Variants in SLC4A4 observed in about 807,000 individuals in gnomAD.
SLC4A4 encodes the protein solute carrier family 4 member 4.
SLC4A4 carries 27 observed loss-of-function variants against 111.5 expected under a neutral mutation model. The ratio of observed to expected loss-of-function variants is 0.24; its 90% CI spans 0.18 to 0.33. The LOEUF (loss-of-function observed/expected upper bound fraction) is 0.33. Among genes scored for constraint, SLC4A4 ranks in the 10% least tolerant of loss-of-function variants. The pLI is 1.00. For missense variants in SLC4A4, 909 were observed against 1,315.5 expected (o/e 0.69, Z 4.78); for synonymous variants, 443 against 463.4 (o/e 0.96, Z 0.57).
At chr4:71,223,199 C>G (rs542398600) in intron 1 of SLC4A4, among the ~76,000 whole-genome samples, 64 of 150,578 alleles carry the variant, frequency 4.3e-4, no homozygotes, top group Admixed American at 1.4e-3. Flanking sequence ...TTTCTGAGAC[C>G]AAGCCTCCCT....
chr4:71,502,923 G>GACA (rs1397581489), intron 16 of SLC4A4, among the ~76,000 whole-genome samples: 1 of 152,074 alleles, frequency 6.6e-6, no homozygotes, highest in Non-Finnish European at 1.5e-5. Context: ...GTTGAAAATG[G>GACA]GGTATTGAAA....
intron 6 of SLC4A4, among the ~76,000 whole-genome samples, chr4:71,374,879 C>A (rs1272053815): frequency 6.6e-6 from 1 of 151,926 alleles, no homozygotes; most frequent in Admixed American, 6.6e-5. Flanking sequence ...TATAATCAGA[C>A]TCTCCTGCTC....
chr4:71,435,502 A>G (rs1166562667), intron 7 of SLC4A4, among the ~76,000 whole-genome samples: 1 of 152,234 alleles, frequency 6.6e-6, no homozygotes, highest in Non-Finnish European at 1.5e-5. Flanking sequence ...GGCATAGGCA[A>G]AGACTTCATG....
At chr4:71,475,466 C>A (rs1728278993) in intron 14 of SLC4A4, among the ~76,000 whole-genome samples, 1 of 151,836 alleles carries the variant, frequency 6.6e-6, no homozygotes, top group Non-Finnish European at 1.5e-5. Context: ...ACTTGCATAG[C>A]AAGTGCTGAC....
chr4:71,328,273 T>C (rs1298305420), intron 3 of SLC4A4, among the ~76,000 whole-genome samples: 1 of 152,174 alleles, frequency 6.6e-6, no homozygotes, highest in African/African-American at 2.4e-5. Context: ...GTATGAATAA[T>C]GCTGCAGTAA....
intron 2 of SLC4A4, among the ~76,000 whole-genome samples, chr4:71,107,255 T>C (rs894535300): frequency 3.3e-5 from 5 of 152,208 alleles, no homozygotes; most frequent in African/African-American, 9.6e-5. Context: ...AAGGGACTTA[T>C]GCCATTTTGC....
intron 2 of SLC4A4, among the ~76,000 whole-genome samples, chr4:71,244,038 T>G (rs1435419972): frequency 6.6e-6 from 1 of 152,184 alleles, no homozygotes; most frequent in African/African-American, 2.4e-5. Flanking sequence ...ATAGATGGGT[T>G]AAATCACTAC....
intron 13 of SLC4A4, among the ~76,000 whole-genome samples, chr4:71,466,979 G>GAGA (rs1363275518): frequency 1.4e-5 from 2 of 145,820 alleles, no homozygotes; most frequent in Non-Finnish European, 3.0e-5. Flanking sequence ...GAGAGAGAGA[G>GAGA]GTCTGAGTAT....
chr4:71,178,018 A>G (rs575031323), intron 2 of SLC4A4, among the ~76,000 whole-genome samples: 1 of 152,350 alleles, frequency 6.6e-6, no homozygotes, highest in South Asian at 2.1e-4. Context: ...ACTCAGGATT[A>G]AGAAACTCAC....
intron 3 of SLC4A4, among the ~76,000 whole-genome samples, chr4:71,302,309 A>T (rs1725337462): frequency 6.6e-6 from 1 of 152,212 alleles, no homozygotes; most frequent in African/African-American, 2.4e-5. Context: ...AGCCTGGACA[A>T]GTCCCTTAAT....
chr4:71,269,576 G>A (rs1293103151), intron 3 of SLC4A4, among the ~76,000 whole-genome samples: 7 of 152,096 alleles, frequency 4.6e-5, no homozygotes, highest in African/African-American at 7.2e-5. Context: ...ATTGCATTGC[G>A]TGTCTTTGCC....
At position 71,215,966 on chromosome 4, in the gene SLC4A4, G is replaced by A. The variant is rs892932006; in HGVS notation, c.-1-20610G>A. On this transcript the variant is annotated intron_variant, in intron 1 of 25. Coordinates refer to ENST00000264485, the MANE Select transcript of SLC4A4 (RefSeq NM_001098484.3). ...GTCGCCCAGGCTGGAGTGCAGTGGCGTGATCTTGGCTAATTGCATCTTCCG... is the reference window on the plus strand; with the variant it reads ...GTCGCCCAGGCTGGAGTGCAGTGGCATGATCTTGGCTAATTGCATCTTCCG... 6.0e-5 allele frequency among the ~76,000 whole-genome samples: 9 copies of A among 148,864 alleles called. No individual in the cohort carries two copies. In the East Asian group the frequency reaches 1.6e-3, roughly 26 times the overall value.
intron 1 of SLC4A4, among the ~76,000 whole-genome samples, chr4:71,081,162 C>A (rs1038955176): frequency 6.6e-5 from 10 of 152,118 alleles, no homozygotes; most frequent in Non-Finnish European, 1.5e-4. Context: ...AACATCTCTG[C>A]CTTTCCCACC....
intron 16 of SLC4A4, 99 bp downstream of exon 16, chr4:71,497,791 C>T: frequency 1.0e-6 from 1 of 977,556 alleles, no homozygotes. Flanking sequence ...TTCAATGTGT[C>T]CAATATAATT....
At chr4:71,405,900 G>A (rs901916625) in intron 7 of SLC4A4, among the ~76,000 whole-genome samples, 7 of 152,100 alleles carry the variant, frequency 4.6e-5, no homozygotes, top group African/African-American at 1.7e-4. Context: ...GTCCGAGCTG[G>A]CTAATCACTT....
chr4:71,549,695 G>A (rs1262223760), intron 20 of SLC4A4, among the ~76,000 whole-genome samples: 1 of 151,816 alleles, frequency 6.6e-6, no homozygotes, highest in Non-Finnish European at 1.5e-5. Flanking sequence ...GAATCTGACA[G>A]TTGAGTAATC....
At chr4:71,392,853 G>A (rs1231854379) in intron 6 of SLC4A4, among the ~76,000 whole-genome samples, 2 of 152,034 alleles carry the variant, frequency 1.3e-5, no homozygotes, top group African/African-American at 4.8e-5. Context: ...TGCAGGGATG[G>A]TTTAACATAT....
intron 2 of SLC4A4, among the ~76,000 whole-genome samples, chr4:71,156,925 C>T (rs2630561): frequency 1 from 152,198 of 152,326 alleles, 76,037 homozygotes; most frequent in Non-Finnish European, 1. Flanking sequence ...AAGTGATTTA[C>T]GATCATTTTT....
intron 1 of SLC4A4, among the ~76,000 whole-genome samples, chr4:71,082,568 T>A (rs1467858258): frequency 6.6e-6 from 1 of 152,110 alleles, no homozygotes; most frequent in African/African-American, 2.4e-5. Context: ...TTTATCTATA[T>A]AAAACAATCA....
Sources: allele counts gnomAD v4.1 joint callset (sites outside exome capture counted in the v4.1 genomes callset), GRCh38; gene constraint gnomAD v4.1.1; transcripts MANE v1.5; gene names NCBI Gene and HGNC (gene_info 2026-07-23, HGNC 2026-07-21).